HDAC4: variants seen among roughly 807,000 people sequenced by gnomAD.
HDAC4 encodes histone deacetylase A.
A neutral mutation model predicts 135.1 loss-of-function variants in HDAC4; 16 were observed. The ratio of observed to expected loss-of-function variants is 0.12; its 90% CI spans 0.08 to 0.18. HDAC4 has a LOEUF of 0.18. Among genes scored for constraint, HDAC4 ranks in the 10% least tolerant of loss-of-function variants. The pLI is 1.00. For synonymous variants in HDAC4, 685 were observed against 653.4 expected (o/e 1.05, Z -0.74); for missense variants, 1,143 against 1,511.8 (o/e 0.76, Z 4.05).
At chr2:239,212,625 A>G (rs1290902250) in intron 3 of HDAC4, among the ~76,000 whole-genome samples, 2 of 152,210 alleles carry the variant, frequency 1.3e-5, no homozygotes, top group East Asian at 1.9e-4. Context: ...AGAATTCCCC[A>G]GGCTTGGTGC....
intron 5 of HDAC4, among the ~76,000 whole-genome samples, chr2:239,174,403 C>CA (rs5839727): frequency 1.1e-4 from 17 of 152,122 alleles, no homozygotes; most frequent in Non-Finnish European, 1.6e-4. Flanking sequence ...ATTCATTCGG[C>CA]AAAAAAAACT....
chr2:239,272,671 T>C (rs1252086523), intron 2 of HDAC4, among the ~76,000 whole-genome samples: 1 of 152,206 alleles, frequency 6.6e-6, no homozygotes, highest in Non-Finnish European at 1.5e-5. Context: ...CCACCCTGAC[T>C]GTCAAACCCA....
chr2:239,393,494 T>G (rs1696366123), intron 1 of HDAC4, among the ~76,000 whole-genome samples: 1 of 152,164 alleles, frequency 6.6e-6, no homozygotes, highest in Non-Finnish European at 1.5e-5. Flanking sequence ...GCTCACGCAC[T>G]CTGGCCTCAG....
chr2:239,306,557 T>C lies in HDAC4; in HGVS notation c.22+46121A>G, dbSNP rs935030687. ...ACTTGTTTCGTACCTTTCCCGGTCATGATACAAAACATAAGCTGGAAAGGG... is the reference window on the plus strand; with the variant it reads ...ACTTGTTTCGTACCTTTCCCGGTCACGATACAAAACATAAGCTGGAAAGGG... On this transcript the variant is annotated intron_variant, in intron 2 of 26. Coordinates refer to ENST00000543185, the MANE Select transcript of HDAC4 (RefSeq NM_001378414.1). The surrounding 1 kb of genome is among the most constrained non-coding windows in gnomAD (Gnocchi z 4.5). 6.6e-6 allele frequency among the ~76,000 whole-genome samples: 1 copy of C among 152,090 alleles called. No homozygotes were observed. Among genetic ancestry groups the C allele is most frequent in the Non-Finnish European group, 1.5e-5 (1 of 68,016 alleles).
At chr2:239,060,546 G>A (rs190980702) in intron 24 of HDAC4, among the ~76,000 whole-genome samples, 311 of 152,328 alleles carry the variant, frequency 2.0e-3, no homozygotes, top group Non-Finnish European at 3.7e-3. Context: ...GCCCTGCAGA[G>A]GGGCCAGTTT....
At chr2:239,175,248 T>C (rs1480548963) in intron 5 of HDAC4, among the ~76,000 whole-genome samples, 1 of 152,196 alleles carries the variant, frequency 6.6e-6, no homozygotes, top group African/African-American at 2.4e-5. Flanking sequence ...GGAAAGGATA[T>C]AAACACACAG....
chr2:239,078,421 G>A (rs1022960021), intron 22 of HDAC4, among the ~76,000 whole-genome samples: 14 of 152,166 alleles, frequency 9.2e-5, no homozygotes, highest in South Asian at 6.2e-4. Context: ...CCCCGTGGGG[G>A]AGAAGAGCAG....
Position 239,146,469 on chromosome 2 carries a change from C to T in HDAC4, c.734-1755G>A, listed in dbSNP as rs962919395. 6.6e-5 allele frequency among the ~76,000 whole-genome samples: 10 copies of T among 152,242 alleles called. No individual in the cohort carries two copies. The South Asian group carries it at 8.3e-4, about 13-fold the overall frequency. ...GGCTGCCCTGCCACATAGAGTGGGA[C>T]ACGTGGCATCGGGAGGCGGGCATGA... is the stretch of plus-strand genomic sequence containing the variant. On this transcript the variant is annotated intron_variant, in intron 7 of 26. Transcript: ENST00000543185. The surrounding 1 kb of genome is among the most constrained non-coding windows in gnomAD (Gnocchi z 4.5).
intron 2 of HDAC4, among the ~76,000 whole-genome samples, chr2:239,260,117 A>C (rs904600376): frequency 2.0e-5 from 3 of 152,212 alleles, no homozygotes; most frequent in Non-Finnish European, 4.4e-5. Context: ...CTTTTGGTGA[A>C]GTTCAGCTGA....
At chr2:239,325,388 C>A (rs982045463) in intron 2 of HDAC4, among the ~76,000 whole-genome samples, 2 of 152,058 alleles carry the variant, frequency 1.3e-5, no homozygotes, top group Admixed American at 1.3e-4. Context: ...AACAAACAAC[C>A]CAATTCAAAT....
chr2:239,172,744 C>A (rs1309627331), intron 5 of HDAC4, among the ~76,000 whole-genome samples: 2 of 151,584 alleles, frequency 1.3e-5, no homozygotes, highest in African/African-American at 4.8e-5. Flanking sequence ...AGAGAGTGAC[C>A]AAGAAAAACA....
chr2:239,140,541 G>A (rs182902856), intron 8 of HDAC4, among the ~76,000 whole-genome samples: 3 of 152,308 alleles, frequency 2.0e-5, no homozygotes, highest in Non-Finnish European at 4.4e-5. Context: ...TGTTTGGCTT[G>A]TCATATGTTT....
At position 239,144,704 on chromosome 2, in the gene HDAC4, C is replaced by T. The variant is rs756901820; in HGVS notation, c.744G>A (p.Pro248=). 30 of 1,614,150 alleles carry T rather than the reference C, an allele frequency of 1.9e-5. No individual in the cohort carries two copies. Among genetic ancestry groups the T allele is most frequent in the South Asian group, 4.4e-5 (4 of 91,088 alleles). The change falls in exon 8 of 27, where the codon CCG becomes CCA. Residue 248 remains proline (P), a synonymous_variant. Transcript: ENST00000543185. The stretch of plus-strand genomic sequence containing the variant: ...TTAGCCTGGACCGTAATTTCAGATT[C>T]GGTTCAGAAGCTGCACAAAAAGGAG... ...DFPLRKTASE[P]NLKLRSRLKQ...
chr2:239,236,295 G>A (rs2047882559), intron 3 of HDAC4, among the ~76,000 whole-genome samples: 1 of 152,224 alleles, frequency 6.6e-6, no homozygotes, highest in African/African-American at 2.4e-5. Context: ...ATCAGGGCCA[G>A]GGGTTACACC....
chr2:239,137,171 G>A (rs921061929), intron 9 of HDAC4, among the ~76,000 whole-genome samples: 5 of 152,166 alleles, frequency 3.3e-5, no homozygotes, highest in African/African-American at 4.8e-5. Flanking sequence ...TGGAGATGCC[G>A]ACTGGTCCAC....
At chr2:239,298,296 C>T (rs2125589002) in intron 2 of HDAC4, 1 of 1,254,862 alleles carries the variant, frequency 8.0e-7, no homozygotes, top group East Asian at 5.7e-5. Flanking sequence ...CGGTGGCTTC[C>T]AGAAGCTGGG....
chr2:239,189,951 T>C lies in HDAC4; in HGVS notation c.221A>G (p.Glu74Gly). 6.2e-7 allele frequency: 1 copy of C among 1,609,692 alleles called. No individual in the cohort carries two copies. Among genetic ancestry groups the C allele is most frequent in the Non-Finnish European group, 8.5e-7 (1 of 1,179,904 alleles). The change falls in exon 4 of 27, where the codon GAG becomes GGG. Residue 74 changes from glutamate to glycine, a missense_variant. Coordinates refer to ENST00000543185, the MANE Select transcript of HDAC4 (RefSeq NM_001378414.1). The stretch of plus-strand genomic sequence containing the variant: ...CTGCTTCTGCTTGAGCGCCAGGAGC[T>C]CCTGCTGCAGCTGCTGCTCCCGCAG... ...PALREQQLQQ[E>G]LLALKQKQQI...
chr2:239,231,991 C>G (rs1209060342), intron 3 of HDAC4, among the ~76,000 whole-genome samples: 3 of 125,690 alleles, frequency 2.4e-5, no homozygotes, highest in Non-Finnish European at 5.4e-5. Context: ...GCGTCCTCCC[C>G]GAAGCGCCCC....
At chr2:239,361,141 C>T (rs1553612717) in intron 1 of HDAC4, among the ~76,000 whole-genome samples, 1 of 152,090 alleles carries the variant, frequency 6.6e-6, no homozygotes, top group Non-Finnish European at 1.5e-5. Context: ...CATTATCTGT[C>T]GGCCCCTCTG....
Sources: allele counts gnomAD v4.1 joint callset (sites outside exome capture counted in the v4.1 genomes callset), GRCh38; gene constraint gnomAD v4.1.1; non-coding constraint Gnocchi (gnomAD v3.1); transcripts MANE v1.5; gene names NCBI Gene and HGNC (gene_info 2026-07-23, HGNC 2026-07-21).